GNAL: variants seen among roughly 807,000 people sequenced by gnomAD.
GNAL encodes G protein subunit alpha L.
GNAL carries 18 observed loss-of-function variants against 55.1 expected under a neutral mutation model. The ratio of observed to expected loss-of-function variants is 0.33; its 90% confidence interval spans 0.23 to 0.48. The LOEUF is 0.48. Ranked by LOEUF, GNAL falls within the 20% of genes least tolerant of loss-of-function variation. GNAL has a pLI of 0.99. For synonymous variants in GNAL, 253 were observed against 237.0 expected (o/e 1.07, Z -0.62); for missense variants, 412 against 614.1 (o/e 0.67, Z 3.48).
intron 1 of GNAL, among the ~76,000 whole-genome samples, chr18:11,720,494 A>C (rs2032069575): frequency 6.6e-6 from 1 of 152,224 alleles, no homozygotes; most frequent in Admixed American, 6.5e-5. Context: ...CATCTTTGCA[A>C]ATGTCTTTTC....
intron 4 of GNAL, among the ~76,000 whole-genome samples, chr18:11,786,436 CTTTTTTT>C (rs66803403): frequency 1.2e-4 from 7 of 60,682 alleles, no homozygotes; most frequent in Admixed American, 2.8e-4. Flanking sequence ...CATACGTTTT[CTTTTTTT>C]TTTTTTTTTT....
intron 4 of GNAL, among the ~76,000 whole-genome samples, chr18:11,803,123 C>A (rs1210316593): frequency 6.6e-6 from 1 of 152,148 alleles, no homozygotes; most frequent in African/African-American, 2.4e-5. Context: ...ATTCAGTGCA[C>A]CTTCTGTGGC....
intron 10 of GNAL, among the ~76,000 whole-genome samples, chr18:11,875,999 T>C (rs1481357255): frequency 1.3e-5 from 2 of 152,182 alleles, no homozygotes; most frequent in Non-Finnish European, 2.9e-5. Flanking sequence ...ATCCCATCCA[T>C]GAAGGCGGAG....
intron 1 of GNAL, among the ~76,000 whole-genome samples, chr18:11,736,456 T>A (rs1267149745): frequency 6.6e-6 from 1 of 152,242 alleles, no homozygotes; most frequent in Non-Finnish European, 1.5e-5. Flanking sequence ...GTATTAGTTT[T>A]ATTTTAAATA....
At position 11,868,756 on chromosome 18, in the gene GNAL, T is replaced by A; in HGVS notation, c.1031+93T>A. The A allele has an allele frequency of 9.6e-7, 1 of 1,043,104 alleles. No individual in the cohort carries two copies. The allele number at this position is 1,043,104 out of a possible 1,614,324, so 64.6% of individuals were successfully genotyped here. ...GGCCAGGCGTTGTGGCTCACACCTGTAATCTCAACACTGGGAGGCCGAGGC... is the reference window on the plus strand; with the variant it reads ...GGCCAGGCGTTGTGGCTCACACCTGAAATCTCAACACTGGGAGGCCGAGGC... On this transcript the variant is annotated intron_variant, in intron 9 of 11. Coordinates refer to ENST00000334049, the MANE Select transcript of GNAL (RefSeq NM_182978.4). This position sits in a 1 kb window ranked among gnomAD's most constrained non-coding sequence, Gnocchi z 4.0.
chr18:11,808,810 G>A (rs188370794), intron 4 of GNAL, among the ~76,000 whole-genome samples: 234 of 152,358 alleles, frequency 1.5e-3, no homozygotes, highest in Non-Finnish European at 2.9e-3. Context: ...ATGGAATGCC[G>A]TTCGGCAATA....
At chr18:11,722,663 G>C (rs570528377) in intron 1 of GNAL, among the ~76,000 whole-genome samples, 8 of 152,240 alleles carry the variant, frequency 5.3e-5, no homozygotes, top group Non-Finnish European at 1.0e-4. Context: ...CTGATGTCAG[G>C]AGTGAGTTCG....
At chr18:11,806,482 C>A (rs933055955) in intron 4 of GNAL, among the ~76,000 whole-genome samples, 3 of 152,164 alleles carry the variant, frequency 2.0e-5, no homozygotes, top group Non-Finnish European at 4.4e-5. Context: ...TCAAGTCTTA[C>A]AATTAAGCCT....
At chr18:11,749,260 TAAAC>T (rs1036810075) in intron 1 of GNAL, among the ~76,000 whole-genome samples, 18 of 152,258 alleles carry the variant, frequency 1.2e-4, no homozygotes, top group Admixed American at 2.0e-4. Flanking sequence ...GAAACTGTGC[TAAAC>T]AGTCTCCTTC....
intron 1 of GNAL, among the ~76,000 whole-genome samples, chr18:11,715,276 G>A (rs1448453543): frequency 5.5e-5 from 8 of 144,556 alleles, no homozygotes; most frequent in South Asian, 2.1e-4. Context: ...TGGCTAACAC[G>A]GTGAAACCCT....
At position 11,689,277 on chromosome 18, in the gene GNAL, G is replaced by A. The variant is rs943547700; in HGVS notation, c.-287G>A. ...TCGCGGAGGCCCGTCGGTTCGGTCCGCTCTGGGCGTTAGCAAGTGATCTCC... is the reference window on the plus strand; with the variant it reads ...TCGCGGAGGCCCGTCGGTTCGGTCCACTCTGGGCGTTAGCAAGTGATCTCC... On this transcript the variant is annotated 5_prime_UTR_variant, in exon 1 of 12. Transcript: ENST00000334049. The A allele has an allele frequency of 1.5e-4, 42 of 277,868 alleles. 1 individual carries two copies. The highest frequency in any genetic ancestry group is 8.4e-4 in the African/African-American group (38 of 45,158). 17.2% of individuals were successfully genotyped at this position (277,868 alleles called of 1,614,324 possible).
chr18:11,767,663 T>C (rs941345687), intron 4 of GNAL, among the ~76,000 whole-genome samples: 2 of 152,088 alleles, frequency 1.3e-5, no homozygotes, highest in Non-Finnish European at 2.9e-5. Context: ...CTCTCTCTGT[T>C]CCCTTAGTTT....
intron 4 of GNAL, among the ~76,000 whole-genome samples, chr18:11,762,818 G>C (rs1278491659): frequency 3.3e-5 from 5 of 152,172 alleles, no homozygotes; most frequent in Non-Finnish European, 7.3e-5. Context: ...TCTGCTGTGG[G>C]GATGGTGCTC....
chr18:11,857,679 G>A, intron 5 of GNAL: 1 of 985,328 alleles, frequency 1.0e-6, no homozygotes. Flanking sequence ...CTGACGCAGT[G>A]GGTCTGCCAG....
At chr18:11,874,327 C>G in intron 10 of GNAL, 1 of 152,064 alleles carries the variant, frequency 6.6e-6, no homozygotes, top group East Asian at 1.9e-4. Flanking sequence ...TTAAAAGGAA[C>G]TAACAGTTGG....
In GNAL at chr18:11,689,314, C is replaced by T. The variant is rs1048224628; in HGVS notation, c.-250C>T. On this transcript the variant is annotated 5_prime_UTR_variant, in exon 1 of 12. Coordinates refer to ENST00000334049, the MANE Select transcript of GNAL (RefSeq NM_182978.4). Reference sequence around the variant, plus strand: ...AGCAAGTGATCTCCAGCCAAGGCGGCCGCCACCCCTTGCACACAGCAGAAA... The same window carrying T: ...AGCAAGTGATCTCCAGCCAAGGCGGTCGCCACCCCTTGCACACAGCAGAAA... The T allele has an allele frequency of 6.6e-5, 21 of 316,840 alleles. No individual in the cohort carries two copies. Among genetic ancestry groups the T allele is most frequent in the African/African-American group, 3.9e-4 (18 of 46,016 alleles). The allele number at this position is 316,840 out of a possible 1,614,324, so 19.6% of individuals were successfully genotyped here.
intron 11 of GNAL, among the ~76,000 whole-genome samples, chr18:11,877,568 T>C (rs941669280): frequency 6.6e-6 from 1 of 152,208 alleles, no homozygotes; most frequent in Non-Finnish European, 1.5e-5. Context: ...ACCTACAGCG[T>C]ATAGCTAGCT....
intron 4 of GNAL, among the ~76,000 whole-genome samples, chr18:11,779,889 A>T (rs2033883479): frequency 6.6e-6 from 1 of 152,256 alleles, no homozygotes; most frequent in Non-Finnish European, 1.5e-5. Context: ...GCAGTCATTA[A>T]CAAAAATTAG....
chr18:11,690,010 CGG>C, intron 1 of GNAL, 71 bp downstream of exon 1: 7 of 934,030 alleles, frequency 7.5e-6, no homozygotes, highest in Non-Finnish European at 9.6e-6. Context: ...CGGCGGGCAC[CGG>C]GGAGCGGTGG....
Sources: gnomAD v4.1 joint callset for allele counts (sites outside exome capture counted in the v4.1 genomes callset) on GRCh38, gnomAD v4.1.1 for gene constraint, Gnocchi (gnomAD v3.1) non-coding constraint, MANE v1.5 for transcripts, NCBI Gene and HGNC (gene_info 2026-07-23, HGNC 2026-07-21) for gene names.